The following AMZ1 variants were observed in gnomAD, a reference collection of about 807,000 sequenced individuals.
AMZ1 encodes the protein archaelysin family metallopeptidase 1, also known as archaemetzincin-1.
Under a neutral mutation model 29.9 loss-of-function variants are expected in AMZ1, and 39 were observed. The ratio of observed to expected loss-of-function variants is 1.30; its 90% CI spans 1.01 to 1.70. The LOEUF (loss-of-function observed/expected upper bound fraction) is 1.70. Ranked by LOEUF, AMZ1 falls within the 40% of genes most tolerant of loss-of-function variation. The probability of loss-of-function intolerance (pLI) is 0.00; values close to 1 mark genes in which losing one functional copy is unlikely to be tolerated. For synonymous variants in AMZ1, 458 were observed against 304.0 expected, an observed-to-expected ratio of 1.51 and a Z score of -5.27; for missense variants, 1,041 against 680.6, an observed-to-expected ratio of 1.53 and a Z score of -5.89.
At chr7:2,754,684 G>C (rs987995637) in intron 4 of AMZ1, among the ~76,000 whole-genome samples, 2 of 152,122 alleles carry the variant, frequency 1.3e-5, no homozygotes, top group African/African-American at 4.8e-5. Flanking sequence ...AGGAGACTGA[G>C]GCTGCAGTGA....
chr7:2,752,425 TAGAA>T (rs1791086700), intron 4 of AMZ1, among the ~76,000 whole-genome samples: 1 of 152,108 alleles, frequency 6.6e-6, no homozygotes, highest in Non-Finnish European at 1.5e-5. Context: ...AATGCTAAGT[TAGAA>T]AGACTAACAG....
intron 4 of AMZ1, among the ~76,000 whole-genome samples, chr7:2,745,348 G>C (rs1187587104): frequency 2.0e-5 from 3 of 152,236 alleles, no homozygotes; most frequent in Non-Finnish European, 2.9e-5. Context: ...AGCCAGAAGA[G>C]AGTGGGGGCC....
chr7:2,737,274 G>GTTTTTTTTTTTTCTTT (rs1790243875), intron 4 of AMZ1, among the ~76,000 whole-genome samples: 1 of 35,032 alleles, frequency 2.9e-5, no homozygotes, highest in African/African-American at 9.9e-5. Flanking sequence ...GTTTTGTTTT[G>GTTTTTTTTTTTTCTTT]TTTTTTTTTT....
rs1768368210 is a variant in AMZ1 at position 2,731,158 on chromosome 7, G to A, written n.550+21342G>A. On this transcript the variant is annotated intron_variant and non_coding_transcript_variant, in intron 4 of 4. Coordinates refer to the AMZ1 transcript ENST00000489665. The surrounding 1 kb of genome is among the most constrained non-coding windows in gnomAD (Gnocchi z 6.0). ...ACAGCCGTGGGGGCTGCTCAACGAC[G>A]ACAAACCCCGGGGCTTCCTCGCTCA... 1.1e-5 allele frequency: 17 copies of A among 1,559,802 alleles called. No homozygotes were observed. The highest frequency in any genetic ancestry group is 1.4e-5 in the Non-Finnish European group (16 of 1,141,516).
rs989473254 is a variant in AMZ1 at position 2,718,581 on chromosome 7, CG to C, written c.*5708del. On this transcript the variant is annotated 3_prime_UTR_variant, in exon 7 of 7. Coordinates refer to ENST00000683327, the MANE Select transcript of AMZ1 (RefSeq NM_001384743.1). ...GGTGATGAGCGCGGCTGACGGCTCC[CG>C]GGGGCAGTGTGGGGTCCAGTCTGAA... Among the ~76,000 whole-genome samples, 2 of 152,224 alleles carry C rather than the reference CG, an allele frequency of 1.3e-5. No homozygotes were observed. The highest frequency in any genetic ancestry group is 4.8e-5 in the African/African-American group (2 of 41,472).
At chr7:2,763,191 A>AACACAC (rs56384682), upstream of AMZ1, 7,430 of 222,408 alleles carry the variant, frequency 0.033, 368 homozygotes, top group East Asian at 0.13. Flanking sequence ...AAGACACCCC[A>AACACAC]ACACACACAC....
At chr7:2,692,580 C>T (rs1361455565) in intron 1 of AMZ1, among the ~76,000 whole-genome samples, 1 of 152,024 alleles carries the variant, frequency 6.6e-6, no homozygotes, top group African/African-American at 2.4e-5. Context: ...AAGCTCATGC[C>T]AGAGCCCTCG....
chr7:2,693,298 G>C (rs562911956), intron 1 of AMZ1, among the ~76,000 whole-genome samples: 3 of 152,178 alleles, frequency 2.0e-5, no homozygotes, highest in Non-Finnish European at 4.4e-5. Context: ...ATGTTGGTCA[G>C]GCTGGTCTTG....
intron 4 of AMZ1, among the ~76,000 whole-genome samples, chr7:2,737,274 G>T (rs1724918): frequency 0.12 from 4,191 of 34,748 alleles, 452 homozygotes; most frequent in South Asian, 0.17. Flanking sequence ...GTTTTGTTTT[G>T]TTTTTTTTTT....
intron 1 of AMZ1, among the ~76,000 whole-genome samples, chr7:2,681,663 A>C (rs892578901): frequency 6.6e-6 from 1 of 152,168 alleles, no homozygotes; most frequent in African/African-American, 2.4e-5. Flanking sequence ...CAGGTGGTGC[A>C]GGGAGATGTC....
intron 4 of AMZ1, among the ~76,000 whole-genome samples, chr7:2,735,677 A>G (rs1790134310): frequency 6.6e-6 from 1 of 152,208 alleles, no homozygotes; most frequent in African/African-American, 2.4e-5. Flanking sequence ...TGGCTCATTT[A>G]ACTCATCACA....
At chr7:2,741,456 C>A (rs709280) in intron 4 of AMZ1, among the ~76,000 whole-genome samples, 86,321 of 151,984 alleles carry the variant, frequency 0.57, 24,872 homozygotes, top group Admixed American at 0.63. Flanking sequence ...CCAGCAAGTG[C>A]GGCACCAGGC....
At chr7:2,755,839 G>C (rs577131242) in intron 4 of AMZ1, among the ~76,000 whole-genome samples, 1 of 152,204 alleles carries the variant, frequency 6.6e-6, no homozygotes, top group African/African-American at 2.4e-5. Context: ...CTAAATAATT[G>C]GAGAGTTATG....
intron 4 of AMZ1, among the ~76,000 whole-genome samples, chr7:2,738,174 C>T (rs980134293): frequency 1.4e-4 from 22 of 152,018 alleles, no homozygotes; most frequent in African/African-American, 4.8e-4. Flanking sequence ...AACCTCAGCA[C>T]GTTGGGAGGC....
intron 6 of AMZ1, among the ~76,000 whole-genome samples, 177 bp downstream of exon 6, chr7:2,709,993 T>C (rs778403266): frequency 2.0e-5 from 3 of 152,208 alleles, no homozygotes; most frequent in Non-Finnish European, 4.4e-5. Context: ...CGGATCTCAC[T>C]GGCAGTAGAT....
upstream of AMZ1, among the ~76,000 whole-genome samples, chr7:2,761,231 C>T (rs573413579): frequency 6.6e-6 from 1 of 152,302 alleles, no homozygotes; most frequent in East Asian, 1.9e-4. Context: ...GCTCTGCTAC[C>T]TCCCGGCCGT....
chr7:2,727,215 A>T (rs1447025115), intron 4 of AMZ1, among the ~76,000 whole-genome samples: 1 of 151,816 alleles, frequency 6.6e-6, no homozygotes. Context: ...CCGAGTAGCT[A>T]GGATTACAGG....
Position 2,707,371 on chromosome 7 carries a change from G to A in AMZ1, c.473-1217G>A, listed in dbSNP as rs10245851. ...GAACTCCTTGGAAAACACTTCTCCG[G>A]TGTGCCTCTGTGCCGCAACCCCTCT... On this transcript the variant is annotated intron_variant, in intron 3 of 6. Transcript: ENST00000683327. Among the ~76,000 whole-genome samples the A allele has an allele frequency of 7.3e-3, 1,107 of 151,768 alleles. 15 individuals are homozygous for A. Among genetic ancestry groups the A allele is most frequent in the African/African-American group, 0.026 (1,064 of 41,434 alleles).
chr7:2,689,821 C>A (rs1187430057), intron 1 of AMZ1, among the ~76,000 whole-genome samples: 2 of 152,184 alleles, frequency 1.3e-5, no homozygotes, highest in Non-Finnish European at 1.5e-5. Context: ...CTTTTTGGAG[C>A]ATGGATGGGT....
Sources: gnomAD v4.1 joint callset for allele counts (sites outside exome capture counted in the v4.1 genomes callset) on GRCh38, gnomAD v4.1.1 for gene constraint, Gnocchi (gnomAD v3.1) non-coding constraint, MANE v1.5 for transcripts, NCBI Gene and HGNC (gene_info 2026-07-23, HGNC 2026-07-21) for gene names.